Variants in SLC15A1 observed in about 807,000 individuals in gnomAD.
The protein encoded by SLC15A1 is solute carrier family 15 member 1.
Under a neutral mutation model 92.9 loss-of-function variants are expected in SLC15A1, and 83 were observed. The observed-to-expected ratio is 0.89, with a 90% CI of 0.75 to 1.07. The LOEUF (loss-of-function observed/expected upper bound fraction) is 1.07. Among genes scored for constraint, SLC15A1 ranks in the 50% least tolerant of loss-of-function variants. SLC15A1 has a pLI of 0.00. For missense variants in SLC15A1, 857 were observed against 880.1 expected, an observed-to-expected ratio of 0.97 and a Z score of 0.33; for synonymous variants, 322 against 318.2, an observed-to-expected ratio of 1.01 and a Z score of -0.13.
At chr13:98,747,746 T>C (rs936442643) in intron 1 of SLC15A1, among the ~76,000 whole-genome samples, 1 of 152,108 alleles carries the variant, frequency 6.6e-6, no homozygotes, top group South Asian at 2.1e-4. Flanking sequence ...CCAGGTGTGA[T>C]GGTGCGCACC....
intron 1 of SLC15A1, among the ~76,000 whole-genome samples, chr13:98,740,019 T>C (rs1052942823): frequency 4.6e-5 from 7 of 152,026 alleles, no homozygotes; most frequent in Non-Finnish European, 1.0e-4. Flanking sequence ...TGACCCAAAG[T>C]AGAAGTGCCG....
chr13:98,702,728 G>A lies in SLC15A1; in HGVS notation c.1417-199C>T, dbSNP rs568913406. Among the ~76,000 whole-genome samples the A allele has an allele frequency of 3.3e-5, 5 of 152,166 alleles. No homozygotes were observed. In the East Asian group the frequency reaches 7.7e-4, roughly 24 times the overall value. Reference sequence around the variant, plus strand: ...CCCAGCACTTTGGGAGGCTAAGGCAGGAGGATCACTTGAGCTTAGGAGTTT... The same window carrying A: ...CCCAGCACTTTGGGAGGCTAAGGCAAGAGGATCACTTGAGCTTAGGAGTTT... On this transcript the variant is annotated intron_variant, in intron 17 of 22. Transcript: ENST00000376503.
At chr13:98,730,210 G>A (rs2088336633) in intron 1 of SLC15A1, among the ~76,000 whole-genome samples, 1 of 118,698 alleles carries the variant, frequency 8.4e-6, no homozygotes, top group Non-Finnish European at 1.7e-5. Flanking sequence ...AAGAAAAAAA[G>A]GAAGGGAGGG....
At chr13:98,728,315 A>C (rs1318658776) in intron 1 of SLC15A1, among the ~76,000 whole-genome samples, 2 of 152,058 alleles carry the variant, frequency 1.3e-5, no homozygotes, top group East Asian at 3.9e-4. Context: ...GCTCAGGATG[A>C]CTTTGGCTTT....
At chr13:98,688,125 C>A in intron 20 of SLC15A1, 123 bp downstream of exon 20, 2 of 671,510 alleles carry the variant, frequency 3.0e-6, no homozygotes, top group Middle Eastern at 4.2e-4. Flanking sequence ...TAATTCTAAG[C>A]CCATTTAAAA....
intron 1 of SLC15A1, among the ~76,000 whole-genome samples, chr13:98,731,525 C>T (rs2088350524): frequency 6.6e-6 from 1 of 152,136 alleles, no homozygotes; most frequent in Non-Finnish European, 1.5e-5. Flanking sequence ...TCCCTGTTAT[C>T]CTTGGCCCTC....
chr13:98,696,134 CTGGGCACGG>C (rs966590856), intron 18 of SLC15A1, among the ~76,000 whole-genome samples: 2 of 151,558 alleles, frequency 1.3e-5, no homozygotes, highest in Non-Finnish European at 2.9e-5. Context: ...AGCTTTGGGA[CTGGGCACGG>C]TGGCTCGCAA....
Position 98,709,731 on chromosome 13 carries a change from A to C in SLC15A1, c.978+11T>G, listed in dbSNP as rs746572919. 4 of 1,614,204 alleles carry C rather than the reference A, an allele frequency of 2.5e-6. No homozygotes were observed. The highest frequency in any genetic ancestry group is 1.7e-5 in the Admixed American group (1 of 60,022). ...ACTCTGATCCCTGAAAGCAACTTAC[A>C]TGTCTTCTACCTGCATCTGATCGGG... is the stretch of plus-strand genomic sequence containing the variant. On this transcript the variant is annotated intron_variant, in intron 13 of 22. Transcript: ENST00000376503.
chr13:98,747,329 C>T (rs1380028808), intron 1 of SLC15A1, among the ~76,000 whole-genome samples: 1 of 152,164 alleles, frequency 6.6e-6, no homozygotes, highest in Non-Finnish European at 1.5e-5. Context: ...CTTTCTCATC[C>T]TGCAAAGCAT....
At chr13:98,735,944 C>A (rs1283623013) in intron 1 of SLC15A1, among the ~76,000 whole-genome samples, 1 of 152,120 alleles carries the variant, frequency 6.6e-6, no homozygotes, top group Non-Finnish European at 1.5e-5. Context: ...TCAATGCCAT[C>A]CCCATCAAGC....
At chr13:98,707,133 A>T (rs2088118817) in intron 15 of SLC15A1, among the ~76,000 whole-genome samples, 1 of 152,192 alleles carries the variant, frequency 6.6e-6, no homozygotes, top group South Asian at 2.1e-4. Context: ...GAAGCAAGCC[A>T]TGTCCACCTT....
Position 98,700,880 on chromosome 13 carries a change from T to C in SLC15A1, c.1466+1600A>G, listed in dbSNP as rs1269476177. ...CAGTTGGTTGGGTCTGGATTATTCA[T>C]TCATGTATGGGTCTATTTCTTTGCC... On this transcript the variant is annotated intron_variant, in intron 18 of 22. Coordinates refer to ENST00000376503, the MANE Select transcript of SLC15A1 (RefSeq NM_005073.4). Among the ~76,000 whole-genome samples the C allele has an allele frequency of 3.3e-5, 5 of 152,346 alleles. No individual in the cohort carries two copies. The East Asian group carries it at 9.6e-4, about 29-fold the overall frequency.
intron 22 of SLC15A1, among the ~76,000 whole-genome samples, chr13:98,685,564 C>A (rs1032676691): frequency 6.6e-6 from 1 of 152,224 alleles, no homozygotes; most frequent in Non-Finnish European, 1.5e-5. Context: ...TGCTTTGCAG[C>A]TGCTAAGCTG....
At position 98,712,012 on chromosome 13, in the gene SLC15A1, T is replaced by C. The variant is rs561037021; in HGVS notation, c.811-69A>G. 50 of 1,148,862 alleles carry C rather than the reference T, an allele frequency of 4.4e-5. No homozygotes were observed. In the African/African-American group the frequency reaches 7.0e-4, roughly 16 times the overall value. The allele number at this position is 1,148,862 out of a possible 1,614,324, so 71.2% of individuals were successfully genotyped here. A position where few individuals can be genotyped will look rare whatever the true frequency, so the allele number is the denominator to read the frequency against. On this transcript the variant is annotated intron_variant, in intron 10 of 22. Transcript: ENST00000376503. Reference sequence around the variant, plus strand: ...TCCTGTGCCACTCACGGCTTACAGGTGCTGCTGATTTCAGTGGAGACACAG... The same window carrying C: ...TCCTGTGCCACTCACGGCTTACAGGCGCTGCTGATTTCAGTGGAGACACAG...
chr13:98,736,967 A>G (rs558352543), intron 1 of SLC15A1, among the ~76,000 whole-genome samples: 2 of 152,350 alleles, frequency 1.3e-5, no homozygotes, highest in Non-Finnish European at 2.9e-5. Flanking sequence ...TAGAAATACC[A>G]TTTGACCCAG....
intron 7 of SLC15A1, 172 bp downstream of exon 7, chr13:98,721,323 A>G (rs2088255711): frequency 1.4e-6 from 1 of 711,086 alleles, no homozygotes; most frequent in South Asian, 1.5e-5. Flanking sequence ...GACAAAAAGG[A>G]GGTGAAACTC....
chr13:98,697,339 C>T (rs2088030979), intron 18 of SLC15A1, among the ~76,000 whole-genome samples: 1 of 152,154 alleles, frequency 6.6e-6, no homozygotes, highest in South Asian at 2.1e-4. Context: ...CAGGTGTGAG[C>T]CATTGCTCCT....
intron 5 of SLC15A1, 149 bp from the exon 6 acceptor site, chr13:98,722,052 C>T (rs4646219): frequency 0.15 from 84,316 of 560,240 alleles, 9,381 homozygotes; most frequent in East Asian, 0.4. Flanking sequence ...AGGAATGCAG[C>T]GTGATAGTCA....
At chr13:98,741,923 G>A (rs1479446796) in intron 1 of SLC15A1, among the ~76,000 whole-genome samples, 2 of 152,154 alleles carry the variant, frequency 1.3e-5, no homozygotes, top group East Asian at 1.9e-4. Flanking sequence ...AACCCCTAAC[G>A]GCAGGAAACT....
Sources: gnomAD v4.1 joint callset for allele counts (sites outside exome capture counted in the v4.1 genomes callset) on GRCh38, gnomAD v4.1.1 for gene constraint, MANE v1.5 for transcripts, NCBI Gene and HGNC (gene_info 2026-07-23, HGNC 2026-07-21) for gene names.